UGT1A6: variants seen among roughly 807,000 people sequenced by gnomAD.
UGT1A6 encodes the protein UDP-glucuronosyltransferase 1A6.
UGT1A6 carries 32 observed loss-of-function variants against 44.4 expected under a neutral mutation model. The observed-to-expected ratio is 0.72, with a 90% CI of 0.54 to 0.97. The LOEUF (loss-of-function observed/expected upper bound fraction) is 0.97, where lower values mean the gene tolerates loss of function less well. Among genes scored for constraint, UGT1A6 ranks in the 50% least tolerant of loss-of-function variants. The pLI is 0.00. For synonymous variants in UGT1A6, 238 were observed against 248.5 expected (o/e 0.96, Z 0.40); for missense variants, 685 against 661.9 (o/e 1.03, Z -0.38).
At chr2:233,730,412 A>G (rs2078028510) in intron 1 of UGT1A6, among the ~76,000 whole-genome samples, 1 of 152,204 alleles carries the variant, frequency 6.6e-6, no homozygotes, top group Non-Finnish European at 1.5e-5. Flanking sequence ...AATTGTTGAC[A>G]TGATAATTTT....
chr2:233,706,918 G>A (rs921108992), intron 1 of UGT1A6, among the ~76,000 whole-genome samples: 4 of 152,304 alleles, frequency 2.6e-5, no homozygotes, highest in Admixed American at 1.3e-4. Context: ...AGCTGCCAGA[G>A]TATGAGTCTG....
intron 2 of UGT1A6, 29 bp downstream of exon 2, chr2:233,767,194 A>C (rs746011204): frequency 1.9e-6 from 3 of 1,613,774 alleles, no homozygotes; most frequent in Non-Finnish European, 2.5e-6. Flanking sequence ...ATGGCCTCAT[A>C]TCTATTTTCA....
At chr2:233,713,303 A>T (rs1470676063) in intron 1 of UGT1A6, 1 of 1,614,224 alleles carries the variant, frequency 6.2e-7, no homozygotes, top group South Asian at 1.1e-5. Context: ...TTGAAACAGA[A>T]CATCTTCTGA....
chr2:233,724,165 C>CA (rs1189702988), intron 1 of UGT1A6, among the ~76,000 whole-genome samples: 1 of 112,674 alleles, frequency 8.9e-6, no homozygotes. Flanking sequence ...GGGGGGCTGA[C>CA]CCCCCCATCT....
chr2:233,725,787 A>T (rs1433226745), intron 1 of UGT1A6, among the ~76,000 whole-genome samples: 1 of 152,208 alleles, frequency 6.6e-6, no homozygotes, highest in African/African-American at 2.4e-5. Flanking sequence ...GTTATCATTA[A>T]ATAATAATCC....
intron 1 of UGT1A6, chr2:233,713,522 A>G (rs1180807745): frequency 1.2e-6 from 2 of 1,613,850 alleles, no homozygotes; most frequent in Non-Finnish European, 1.7e-6. Flanking sequence ...GGAACATTCC[A>G]TGTGATTTAG....
At chr2:233,706,111 T>C (rs2075890195) in intron 1 of UGT1A6, among the ~76,000 whole-genome samples, 1 of 151,910 alleles carries the variant, frequency 6.6e-6, no homozygotes, top group African/African-American at 2.4e-5. Flanking sequence ...AAACCAAGAA[T>C]TTCAGGACAC....
At chr2:233,726,128 C>T (rs2077506214) in intron 1 of UGT1A6, among the ~76,000 whole-genome samples, 1 of 152,282 alleles carries the variant, frequency 6.6e-6, no homozygotes, top group African/African-American at 2.4e-5. Flanking sequence ...TTCACACCAC[C>T]TCACTCCAGC....
At chr2:233,692,067 G>A (rs2075076181), upstream of UGT1A6, 1 of 150,926 alleles carries the variant, frequency 6.6e-6, no homozygotes, top group Admixed American at 6.6e-5. Flanking sequence ...GGGAAGAAAG[G>A]AGAGAGAGAT....
chr2:233,712,705 T>C (rs991902225), intron 1 of UGT1A6, among the ~76,000 whole-genome samples: 6 of 152,022 alleles, frequency 3.9e-5, no homozygotes, highest in South Asian at 2.1e-4. Context: ...CAGCCTTGTG[T>C]TGGGAATTGA....
intron 1 of UGT1A6, among the ~76,000 whole-genome samples, chr2:233,712,410 G>T (rs1290226117): frequency 1.3e-5 from 2 of 152,150 alleles, no homozygotes; most frequent in Non-Finnish European, 2.9e-5. Context: ...TCCTCTTTGA[G>T]CTTTACAAGA....
intron 1 of UGT1A6, among the ~76,000 whole-genome samples, chr2:233,728,655 C>T (rs928027852): frequency 5.3e-5 from 8 of 152,140 alleles, no homozygotes; most frequent in East Asian, 1.9e-4. Flanking sequence ...TTTTTGGATG[C>T]GCTGCGTTAC....
At chr2:233,765,738 C>T (rs1341217365) in intron 1 of UGT1A6, among the ~76,000 whole-genome samples, 1 of 147,306 alleles carries the variant, frequency 6.8e-6, no homozygotes, top group Non-Finnish European at 1.5e-5. Flanking sequence ...AATAAATAAA[C>T]CCATAAAGCC....
intron 1 of UGT1A6, among the ~76,000 whole-genome samples, chr2:233,722,845 CT>C (rs61550889): frequency 0.025 from 3,404 of 135,242 alleles, 237 homozygotes; most frequent in African/African-American, 0.08. Context: ...AAGAATGTTT[CT>C]TTTTTTTTTT....
intron 1 of UGT1A6, chr2:233,743,584 G>A: frequency 7.3e-7 from 1 of 1,367,326 alleles, no homozygotes; most frequent in Non-Finnish European, 9.8e-7. Flanking sequence ...AGAGGTCAAA[G>A]GAGAATGGGT....
chr2:233,722,324 C>T (rs1239720305), intron 1 of UGT1A6, among the ~76,000 whole-genome samples: 1 of 152,060 alleles, frequency 6.6e-6, no homozygotes, highest in Non-Finnish European at 1.5e-5. Flanking sequence ...GTTTGGTTGA[C>T]CCTTAGATTT....
rs1447098381 is a variant in UGT1A6 at position 233,718,854 on chromosome 2, C to G, written c.861+24989C>G. 1.9e-6 allele frequency: 3 copies of G among 1,613,744 alleles called. 1 individual carries two copies. Among genetic ancestry groups the G allele is most frequent in the South Asian group, 2.2e-5 (2 of 91,050 alleles). On this transcript the variant is annotated intron_variant, in intron 1 of 4. Transcript: ENST00000305139. ...AGGACTCCAGGTTCCCCTGCCGCGG[C>G]TGGCCACAGGACTGCTGCTCCTCCT...
At chr2:233,746,994 G>C (rs922899059) in intron 1 of UGT1A6, among the ~76,000 whole-genome samples, 7 of 151,864 alleles carry the variant, frequency 4.6e-5, no homozygotes, top group African/African-American at 1.7e-4. Context: ...GGTCAGATGA[G>C]TTTTTCAAGT....
intron 1 of UGT1A6, chr2:233,718,791 G>C: frequency 6.2e-7 from 1 of 1,613,144 alleles, no homozygotes; most frequent in Non-Finnish European, 8.5e-7. Context: ...GCGTGGGGTG[G>C]ACAGTCAGCT....
Sources: gnomAD v4.1 joint callset for allele counts (sites outside exome capture counted in the v4.1 genomes callset) on GRCh38, gnomAD v4.1.1 for gene constraint, MANE v1.5 for transcripts, NCBI Gene and HGNC (gene_info 2026-07-23, HGNC 2026-07-21) for gene names.